The following ANKRD44 variants were observed in gnomAD, a reference collection of about 807,000 sequenced individuals.
ANKRD44 encodes the protein ankyrin repeat domain 44, also known as serine/threonine-protein phosphatase 6 regulatory ankyrin repeat subunit B.
Under a neutral mutation model 116.0 loss-of-function variants are expected in ANKRD44, and 35 were observed. That is an observed-to-expected ratio of 0.30 (90% CI 0.23 to 0.40). ANKRD44 has a LOEUF of 0.40. ANKRD44 is among the 10% of genes least tolerant of loss of function. The pLI is 1.00. For missense variants in ANKRD44, 1,014 were observed against 1,242.6 expected (o/e 0.82, Z 2.77); for synonymous variants, 435 against 461.8 (o/e 0.94, Z 0.74).
At chr2:197,209,867 G>A (rs962688323) in intron 1 of ANKRD44, among the ~76,000 whole-genome samples, 1 of 152,198 alleles carries the variant, frequency 6.6e-6, no homozygotes, top group African/African-American at 2.4e-5. Flanking sequence ...AATCAGATGA[G>A]GGTTTAGCCT....
intron 9 of ANKRD44, among the ~76,000 whole-genome samples, chr2:197,103,690 G>A (rs1264359347): frequency 6.6e-6 from 1 of 152,112 alleles, no homozygotes; most frequent in African/African-American, 2.4e-5. Context: ...TTCTGATTGA[G>A]AAAGTATTTT....
intron 1 of ANKRD44, among the ~76,000 whole-genome samples, chr2:197,219,162 C>T (rs991262426): frequency 7.3e-5 from 11 of 150,540 alleles, no homozygotes; most frequent in African/African-American, 2.5e-4. Context: ...CTCTGCCTCC[C>T]AGGTTCAAGC....
intron 2 of ANKRD44, among the ~76,000 whole-genome samples, chr2:197,169,587 G>C (rs1041261748): frequency 2.0e-5 from 3 of 152,176 alleles, no homozygotes; most frequent in African/African-American, 7.2e-5. Flanking sequence ...CAGAACATCT[G>C]TTTTCCTCCC....
chr2:196,986,979 C>G lies in ANKRD44; in HGVS notation c.*2612G>C. On this transcript the variant is annotated 3_prime_UTR_variant, in exon 28 of 28. Coordinates refer to ENST00000282272, the MANE Select transcript of ANKRD44 (RefSeq NM_001195144.2). ...CAAATATGTTATGCAAAATATAACA[C>G]TGGCACCAGATTTGTATCATCGTGC... is the stretch of plus-strand genomic sequence containing the variant. 1.0e-6 allele frequency: 1 copy of G among 985,410 alleles called. No individual in the cohort carries two copies. The highest frequency in any genetic ancestry group is 1.2e-6 in the Non-Finnish European group (1 of 829,906). 61.0% of individuals were successfully genotyped at this position (985,410 alleles called of 1,614,324 possible).
chr2:196,993,536 T>C, intron 27 of ANKRD44, 47 bp downstream of exon 27: 2 of 1,448,448 alleles, frequency 1.4e-6, no homozygotes, highest in Non-Finnish European at 1.9e-6. Flanking sequence ...TGGCTTCAAC[T>C]AGCTTATGGA....
intron 1 of ANKRD44, among the ~76,000 whole-genome samples, chr2:197,254,598 T>C (rs200414930): frequency 1.3e-5 from 2 of 148,156 alleles, no homozygotes; most frequent in African/African-American, 5.0e-5. Context: ...CATACATGCA[T>C]ACACACACAC....
chr2:197,274,345 G>C (rs188518800), intron 1 of ANKRD44, among the ~76,000 whole-genome samples: 1 of 152,288 alleles, frequency 6.6e-6, no homozygotes, highest in East Asian at 1.9e-4. Flanking sequence ...GCCTATGGCA[G>C]ACTGAAATGA....
chr2:197,096,481 C>T lies in ANKRD44; in HGVS notation c.1100+3335G>A, dbSNP rs532052056. On this transcript the variant is annotated intron_variant, in intron 10 of 27. Transcript: ENST00000282272. The stretch of plus-strand genomic sequence containing the variant: ...AGGGCTTTGACATCACGTAAAGTTG[C>T]ATGAGCACTGAATCAAACCGTAGGA... Among the ~76,000 whole-genome samples, 4 of 152,302 alleles carry T rather than the reference C, an allele frequency of 2.6e-5. No individual in the cohort carries two copies. The South Asian group carries it at 8.3e-4, about 32-fold the overall frequency.
At chr2:197,078,556 T>A in intron 16 of ANKRD44, 147 bp downstream of exon 16, 1 of 1,507,588 alleles carries the variant, frequency 6.6e-7, no homozygotes, top group Non-Finnish European at 8.9e-7. Context: ...AAACACTTTT[T>A]GAAATCAGAA....
At chr2:197,204,192 G>GA (rs986339919) in intron 1 of ANKRD44, among the ~76,000 whole-genome samples, 2 of 151,942 alleles carry the variant, frequency 1.3e-5, no homozygotes, top group Admixed American at 6.6e-5. Context: ...GGAAAATGTG[G>GA]AAAAAAAGCA....
chr2:197,022,205 T>A (rs1009918021), intron 17 of ANKRD44, among the ~76,000 whole-genome samples: 13 of 152,202 alleles, frequency 8.5e-5, no homozygotes, highest in African/African-American at 3.1e-4. Flanking sequence ...GTGATGGGCA[T>A]ACCTTTTGGG....
At chr2:197,178,111 C>G (rs1051275089) in intron 2 of ANKRD44, among the ~76,000 whole-genome samples, 4 of 152,124 alleles carry the variant, frequency 2.6e-5, no homozygotes, top group Admixed American at 1.3e-4. Flanking sequence ...ACAAATTACT[C>G]TCCCCAAAAA....
chr2:197,077,974 C>T (rs572568365), intron 16 of ANKRD44: 14 of 151,836 alleles, frequency 9.2e-5, no homozygotes, highest in Non-Finnish European at 1.9e-4. Flanking sequence ...AATAATGGTA[C>T]CAAAATGGTC....
chr2:197,273,288 T>G (rs1453334927), intron 1 of ANKRD44, among the ~76,000 whole-genome samples: 1 of 152,154 alleles, frequency 6.6e-6, no homozygotes, highest in Non-Finnish European at 1.5e-5. Context: ...TCCTACAAAC[T>G]GGTCAGAAGA....
At chr2:197,186,472 A>AT (rs937394790) in intron 2 of ANKRD44, among the ~76,000 whole-genome samples, 14 of 150,798 alleles carry the variant, frequency 9.3e-5, no homozygotes, top group South Asian at 4.2e-4. Flanking sequence ...ATTTAACCAG[A>AT]TTTTTTTTTT....
In ANKRD44 at chr2:197,158,984, A is replaced by AACACACACACACAC. The variant is rs5837527; in HGVS notation, c.112-11893_112-11880dup. On this transcript the variant is annotated intron_variant, in intron 2 of 27. Coordinates refer to ENST00000282272, the MANE Select transcript of ANKRD44 (RefSeq NM_001195144.2). ...CACACCCATCAGCAAAGAGCAAACA[A>AACACACACACACAC]ACACACACACACACACACACACATA... 1.1e-3 allele frequency among the ~76,000 whole-genome samples: 161 copies of AACACACACACACAC among 148,468 alleles called. 1 individual carries two copies. Among genetic ancestry groups the AACACACACACACAC allele is most frequent in the African/African-American group, 3.9e-3 (159 of 40,722 alleles).
intron 24 of ANKRD44, among the ~76,000 whole-genome samples, 189 bp from the exon 25 acceptor site, chr2:196,998,608 A>G (rs1177931848): frequency 1.3e-5 from 2 of 152,250 alleles, no homozygotes; most frequent in Admixed American, 1.3e-4. Flanking sequence ...GTTAATAGGC[A>G]CTAATTTTAA....
At chr2:197,286,871 G>A (rs1350277050) in intron 1 of ANKRD44, among the ~76,000 whole-genome samples, 9 of 151,938 alleles carry the variant, frequency 5.9e-5, no homozygotes, top group East Asian at 1.9e-4. Flanking sequence ...TTTATCCAAC[G>A]GTATAACATT....
At chr2:197,097,877 T>A (rs1467986925) in intron 10 of ANKRD44, among the ~76,000 whole-genome samples, 1 of 152,214 alleles carries the variant, frequency 6.6e-6, no homozygotes, top group Non-Finnish European at 1.5e-5. Flanking sequence ...TGCGAAGCCC[T>A]TTGAGATGTG....
Sources: allele counts gnomAD v4.1 joint callset (sites outside exome capture counted in the v4.1 genomes callset), GRCh38; gene constraint gnomAD v4.1.1; transcripts MANE v1.5; gene names NCBI Gene and HGNC (gene_info 2026-07-23, HGNC 2026-07-21).